The following KCNN2 variants were observed in gnomAD, a reference collection of about 807,000 sequenced individuals.
KCNN2 encodes potassium calcium-activated channel subfamily N member 2.
Under a neutral mutation model 55.5 loss-of-function variants are expected in KCNN2, and 24 were observed. That is an observed-to-expected ratio of 0.43 (90% CI 0.31 to 0.61). The LOEUF is 0.61. Ranked by LOEUF, KCNN2 falls within the 20% of genes least tolerant of loss-of-function variation. KCNN2 has a pLI of 0.08. For missense variants in KCNN2, 754 were observed against 853.6 expected (o/e 0.88, Z 1.45); for synonymous variants, 431 against 336.1 (o/e 1.28, Z -3.09).
At chr5:114,303,027 A>G (rs1756199178) in intron 2 of KCNN2, among the ~76,000 whole-genome samples, 1 of 152,238 alleles carries the variant, frequency 6.6e-6, no homozygotes, top group Non-Finnish European at 1.5e-5. Flanking sequence ...AAACTTCGAT[A>G]TACGTCGATG....
chr5:114,200,519 A>G (rs1753652911), intron 1 of KCNN2, among the ~76,000 whole-genome samples: 1 of 151,938 alleles, frequency 6.6e-6, no homozygotes, highest in South Asian at 2.1e-4. Flanking sequence ...CATTTTGTGG[A>G]ATACTTTTTG....
intron 6 of KCNN2, among the ~76,000 whole-genome samples, chr5:114,488,437 T>G (rs1379321648): frequency 2.0e-5 from 3 of 152,086 alleles, no homozygotes; most frequent in Non-Finnish European, 4.4e-5. Context: ...AGGTTAGAGT[T>G]TTCAAATAAT....
chr5:114,353,208 A>G (rs910361215), intron 2 of KCNN2, among the ~76,000 whole-genome samples: 1 of 151,686 alleles, frequency 6.6e-6, no homozygotes, highest in Non-Finnish European at 1.5e-5. Context: ...AGCCACTCCA[A>G]TACTTATATG....
intron 3 of KCNN2, among the ~76,000 whole-genome samples, chr5:114,411,730 C>T (rs2150075032): frequency 6.6e-6 from 1 of 152,234 alleles, no homozygotes; most frequent in South Asian, 2.1e-4. Context: ...GTCCTAGCCC[C>T]CAGCCAGGAT....
intron 2 of KCNN2, among the ~76,000 whole-genome samples, chr5:114,375,952 GTATATATATA>G (rs6149186): frequency 1.2e-4 from 13 of 104,718 alleles, no homozygotes; most frequent in East Asian, 5.3e-4. Flanking sequence ...GACTCACAGT[GTATATATATA>G]TATATATATA....
intron 2 of KCNN2, among the ~76,000 whole-genome samples, chr5:114,387,269 T>C (rs142240796): frequency 6.6e-6 from 1 of 152,364 alleles, no homozygotes; most frequent in African/African-American, 2.4e-5. Context: ...GCATGGCTGC[T>C]TGTGACAAAC....
intron 1 of KCNN2, among the ~76,000 whole-genome samples, chr5:114,102,294 T>C (rs1428520200): frequency 6.6e-6 from 1 of 152,086 alleles, no homozygotes; most frequent in Non-Finnish European, 1.5e-5. Flanking sequence ...GTTTTTTTTT[T>C]CTTGTGAATT....
rs548374183 is a variant in KCNN2, at chr5:114,188,630, G to T, written c.-270-32850G>T. Among the ~76,000 whole-genome samples, 24 of 152,174 alleles carry T rather than the reference G, an allele frequency of 1.6e-4. 1 individual carries two copies. In the South Asian group the frequency reaches 5.0e-3, roughly 32 times the overall value. On this transcript the variant is annotated intron_variant, in intron 1 of 10. Coordinates refer to the KCNN2 transcript ENST00000512097. ...AAAAAATTCAGCAAGCTTTTTGAATGCAAGATTCATATATAAAACTTGGCA... is the reference window on the plus strand; with the variant it reads ...AAAAAATTCAGCAAGCTTTTTGAATTCAAGATTCATATATAAAACTTGGCA...
intron 2 of KCNN2, among the ~76,000 whole-genome samples, chr5:114,353,997 A>G (rs1757255672): frequency 2.0e-5 from 3 of 151,654 alleles, no homozygotes; most frequent in Non-Finnish European, 4.4e-5. Flanking sequence ...TATTTCTTTG[A>G]ATATTTTTTC....
At chr5:114,374,611 G>A (rs180934741) in intron 2 of KCNN2, among the ~76,000 whole-genome samples, 3 of 152,020 alleles carry the variant, frequency 2.0e-5, no homozygotes, top group Admixed American at 6.6e-5. Flanking sequence ...TTTTTATCAG[G>A]GAGCTTGTAT....
chr5:114,416,164 G>C (rs1759297799), intron 3 of KCNN2, among the ~76,000 whole-genome samples: 1 of 152,072 alleles, frequency 6.6e-6, no homozygotes, highest in Admixed American at 6.5e-5. Context: ...GGTTGTAGTA[G>C]CTGCGAAAAA....
chr5:114,338,109 A>G (rs1182069661), intron 2 of KCNN2, among the ~76,000 whole-genome samples: 2 of 152,220 alleles, frequency 1.3e-5, no homozygotes, highest in African/African-American at 4.8e-5. Flanking sequence ...TTTAAGGTGC[A>G]TTAAGCCAAC....
intron 3 of KCNN2, among the ~76,000 whole-genome samples, chr5:114,413,842 CT>C (rs1223394358): frequency 6.6e-6 from 1 of 152,146 alleles, no homozygotes; most frequent in Admixed American, 6.6e-5. Context: ...AATAGAGGTC[CT>C]AAGTGTTTTC....
At chr5:114,424,116 G>T (rs191807669) in intron 3 of KCNN2, among the ~76,000 whole-genome samples, 141 of 152,284 alleles carry the variant, frequency 9.3e-4, no homozygotes, top group African/African-American at 3.2e-3. Context: ...TTATTTATTA[G>T]AACTTTTATT....
chr5:114,210,805 T>G (rs1234196913), intron 1 of KCNN2, among the ~76,000 whole-genome samples: 1 of 152,190 alleles, frequency 6.6e-6, no homozygotes, highest in Non-Finnish European at 1.5e-5. Context: ...ATACTTGACC[T>G]CAAGGGTTTA....
chr5:114,096,734 C>A (rs1470826755), intron 1 of KCNN2, among the ~76,000 whole-genome samples: 1 of 152,192 alleles, frequency 6.6e-6, no homozygotes, highest in Admixed American at 6.6e-5. Flanking sequence ...TCATTTCTCA[C>A]TGGAAAGTCC....
At position 114,086,172 on chromosome 5, in the gene KCNN2, G is replaced by A. The variant is rs556250285; in HGVS notation, c.-271+29672G>A. 1.3e-3 allele frequency among the ~76,000 whole-genome samples: 190 copies of A among 151,950 alleles called. 1 individual carries two copies. The highest frequency in any genetic ancestry group is 4.4e-3 in the African/African-American group (181 of 41,458). On this transcript the variant is annotated intron_variant, in intron 1 of 10. Transcript: ENST00000512097. ...CTTTTGCTATGTTTACATTTAACAG[G>A]CATTTCTTATAGACAGTATATAGCT...
chr5:114,343,733 G>A (rs1757058516), intron 2 of KCNN2, among the ~76,000 whole-genome samples: 3 of 152,084 alleles, frequency 2.0e-5, no homozygotes, highest in Non-Finnish European at 4.4e-5. Context: ...ACAGCAGGGT[G>A]TGGTGAGGGA....
At chr5:114,390,201 A>G (rs1758414024) in intron 2 of KCNN2, among the ~76,000 whole-genome samples, 1 of 152,186 alleles carries the variant, frequency 6.6e-6, no homozygotes, top group Admixed American at 6.5e-5. Flanking sequence ...AACTTTTAGA[A>G]TCAAACACGT....
Sources: gnomAD v4.1 joint callset for allele counts (sites outside exome capture counted in the v4.1 genomes callset) on GRCh38, gnomAD v4.1.1 for gene constraint, MANE v1.5 for transcripts, NCBI Gene and HGNC (gene_info 2026-07-23, HGNC 2026-07-21) for gene names.